Variants in NEDD1 observed in about 807,000 individuals in gnomAD.
NEDD1 encodes the protein NEDD1 gamma-tubulin ring complex targeting factor.
In NEDD1, 33 loss-of-function variants were observed where a neutral mutation model predicts 74.0. The observed-to-expected ratio is 0.45, with a 90% confidence interval of 0.34 to 0.60. The LOEUF is 0.60. Ranked by LOEUF, NEDD1 falls within the 20% of genes least tolerant of loss-of-function variation. NEDD1 has a pLI of 0.01. For synonymous variants in NEDD1, 250 were observed against 264.4 expected (o/e 0.95, Z 0.53); for missense variants, 746 against 776.5 (o/e 0.96, Z 0.47).
At chr12:96,922,222 T>C (rs1253792538) in intron 6 of NEDD1, among the ~76,000 whole-genome samples, 1 of 152,212 alleles carries the variant, frequency 6.6e-6, no homozygotes, top group Non-Finnish European at 1.5e-5. Flanking sequence ...AAAGGGATGC[T>C]CTTTAGAATG....
intron 6 of NEDD1, among the ~76,000 whole-genome samples, chr12:96,930,550 T>C (rs992667504): frequency 4.6e-5 from 7 of 152,202 alleles, no homozygotes; most frequent in South Asian, 2.1e-4. Context: ...AGGGTTTTTA[T>C]TGGGGGGGCT....
chr12:96,909,682 A>G (rs1873696228), intron 2 of NEDD1, 70 bp from the exon 3 acceptor site: 1 of 1,275,928 alleles, frequency 7.8e-7, no homozygotes, highest in Non-Finnish European at 1.1e-6. Context: ...TTTAGATTAG[A>G]TTTTGACCTT....
At chr12:96,907,955 G>A (rs780615581) in intron 2 of NEDD1, 99 bp downstream of exon 2, 64 of 1,086,200 alleles carry the variant, frequency 5.9e-5, no homozygotes, top group Non-Finnish European at 7.2e-5. Flanking sequence ...GGAGCAGGTC[G>A]TTTGAACCCA....
intron 14 of NEDD1, among the ~76,000 whole-genome samples, chr12:96,950,048 G>A (rs1878559142): frequency 6.6e-6 from 1 of 151,920 alleles, no homozygotes; most frequent in Admixed American, 6.6e-5. Context: ...ACAGAGTGAA[G>A]GGATAAGAAG....
In NEDD1 at chr12:96,910,231, A is replaced by T. The variant is rs534773918; in HGVS notation, c.136+336A>T. On this transcript the variant is annotated intron_variant, in intron 3 of 15. Transcript: ENST00000266742. Reference sequence around the variant, plus strand: ...ATGGAATAAGGTTGGTAGTTGTGGAAATAATTCCAAAAGGTTTTGGAATGA... The same window carrying T: ...ATGGAATAAGGTTGGTAGTTGTGGATATAATTCCAAAAGGTTTTGGAATGA... 3.8e-4 allele frequency among the ~76,000 whole-genome samples: 16 copies of T among 41,952 alleles called. No homozygotes were observed. In the South Asian group the frequency reaches 0.015, roughly 39 times the overall value. 27.5% of individuals were successfully genotyped at this position (41,952 alleles called of 152,430 possible).
intron 8 of NEDD1, among the ~76,000 whole-genome samples, 173 bp downstream of exon 8, chr12:96,936,985 C>CT (rs964463757): frequency 6.6e-6 from 1 of 151,178 alleles, no homozygotes; most frequent in South Asian, 2.1e-4. Flanking sequence ...AGTTTTAAAA[C>CT]TTTTTTTCTT....
At chr12:96,914,260 C>A (rs1874214715) in intron 4 of NEDD1, among the ~76,000 whole-genome samples, 1 of 152,130 alleles carries the variant, frequency 6.6e-6, no homozygotes, top group Non-Finnish European at 1.5e-5. Flanking sequence ...TCTACTCTAC[C>A]ACTATATATA....
intron 4 of NEDD1, among the ~76,000 whole-genome samples, chr12:96,913,336 G>A (rs1388279162): frequency 6.6e-6 from 1 of 151,624 alleles, no homozygotes; most frequent in Non-Finnish European, 1.5e-5. Flanking sequence ...GTCCCAGGGC[G>A]TTTAAATGAA....
chr12:96,935,106 C>T lies in NEDD1; in HGVS notation c.620C>T (p.Ala207Val), dbSNP rs1362149088. 1.2e-6 allele frequency: 2 copies of T among 1,612,620 alleles called. No homozygotes were observed. Among genetic ancestry groups the T allele is most frequent in the Admixed American group, 1.7e-5 (1 of 60,016 alleles). ...PYHNFDSVHK[A>V]PASGICFSPV... Reference sequence around the variant, plus strand: ...CATAACTTTGACAGTGTACACAAAGCTCCAGCGTCAGGCATCTGTTTTTCT... The same window carrying T: ...CATAACTTTGACAGTGTACACAAAGTTCCAGCGTCAGGCATCTGTTTTTCT... Residue 207 changes from alanine (A) to valine (V), a missense_variant, in exon 7 of 16, where the codon GCT (alanine) becomes GTT (valine). This residue lies in a region of NEDD1 where 706 missense variants were observed against 706.7 expected (regional missense o/e 1.00). Coordinates refer to ENST00000266742, the MANE Select transcript of NEDD1 (RefSeq NM_152905.4).
rs1321234262 is a variant in NEDD1 at position 96,952,044 on chromosome 12, C to A, written c.1974C>A (p.Ala658=). The part of the protein sequence containing the change: ...RLREENKRLR[A]HF ...GAGAAGAAAACAAAAGATTACGGGC[C>A]CACTTTTGAAATTTCAGTGAATACC... is the stretch of plus-strand genomic sequence containing the variant. The change falls in exon 16 of 16, where the codon GCC becomes GCA. Residue 658 remains alanine (A), a synonymous_variant. Transcript: ENST00000266742. The A allele has an allele frequency of 2.5e-6, 4 of 1,587,122 alleles. No homozygotes were observed. Among genetic ancestry groups the A allele is most frequent in the Non-Finnish European group, 2.6e-6 (3 of 1,157,828 alleles).
intron 13 of NEDD1, 39 bp downstream of exon 13, chr12:96,944,834 A>C (rs1186330970): frequency 1.3e-5 from 19 of 1,425,304 alleles, no homozygotes; most frequent in Non-Finnish European, 1.8e-5. Context: ...AAAGTGTTTG[A>C]TTGAAAAATC....
At chr12:96,909,065 A>T (rs1454960971) in intron 2 of NEDD1, among the ~76,000 whole-genome samples, 2 of 151,488 alleles carry the variant, frequency 1.3e-5, no homozygotes. Context: ...AATCCCAGCT[A>T]CTCGGGAGGC....
At chr12:96,920,248 T>C (rs1173121779) in intron 6 of NEDD1, 123 bp downstream of exon 6, 9 of 575,146 alleles carry the variant, frequency 1.6e-5, no homozygotes, top group Non-Finnish European at 2.7e-5. Flanking sequence ...TTTTAAATGG[T>C]AGTGTTTTAA....
chr12:96,909,653 A>G, intron 2 of NEDD1, 99 bp from the exon 3 acceptor site: 3 of 913,374 alleles, frequency 3.3e-6, no homozygotes, highest in East Asian at 2.6e-5. Context: ...ACAAAAATGA[A>G]TGAGTTAGAG....
chr12:96,951,879 A>G (rs1878737767), intron 15 of NEDD1, 70 bp from the exon 16 acceptor site: 1 of 801,276 alleles, frequency 1.2e-6, no homozygotes, highest in Non-Finnish European at 2.1e-6. Flanking sequence ...AGCTGAAAGT[A>G]TATTAAACAT....
At chr12:96,918,233 T>C (rs1002949332) in intron 5 of NEDD1, among the ~76,000 whole-genome samples, 1 of 152,032 alleles carries the variant, frequency 6.6e-6, no homozygotes, top group African/African-American at 2.4e-5. Flanking sequence ...TAATTTACTA[T>C]TTACAATTAA....
At chr12:96,931,897 T>G (rs961733797) in intron 6 of NEDD1, among the ~76,000 whole-genome samples, 1 of 152,120 alleles carries the variant, frequency 6.6e-6, no homozygotes, top group Non-Finnish European at 1.5e-5. Context: ...TTTTCTTCTT[T>G]GTGATAAAAA....
In NEDD1 at chr12:96,907,690, CTTTCA is replaced by C; in HGVS notation, c.-169_-165del. The C allele has an allele frequency of 6.4e-7, 1 of 1,551,238 alleles. No individual in the cohort carries two copies. Among genetic ancestry groups the C allele is most frequent in the South Asian group, 1.2e-5 (1 of 84,046 alleles). ...TTTTTGGTGATTGAAAGTTGGAGAACTTTCATTTCAGCTGAGTGGTGTAGTTGAAT... is the reference window on the plus strand; with the variant it reads ...TTTTTGGTGATTGAAAGTTGGAGAACTTTCAGCTGAGTGGTGTAGTTGAAT... On this transcript the variant is annotated 5_prime_UTR_variant, in exon 2 of 16. Transcript: ENST00000266742.
chr12:96,934,592 C>A (rs249574), intron 6 of NEDD1, among the ~76,000 whole-genome samples: 73,008 of 151,074 alleles, frequency 0.48, 17,952 homozygotes, highest in African/African-American at 0.56. Flanking sequence ...GGCTGGAGTA[C>A]AATAGTGTGA....
Sources: allele counts gnomAD v4.1 joint callset (sites outside exome capture counted in the v4.1 genomes callset), GRCh38; gene constraint gnomAD v4.1.1; regional missense constraint gnomAD v4.1.1; transcripts MANE v1.5; gene names NCBI Gene and HGNC (gene_info 2026-07-23, HGNC 2026-07-21).